AAK1: variants seen among roughly 807,000 people sequenced by gnomAD.
The protein encoded by AAK1 is AP2 associated kinase 1, also known as AP2-associated protein kinase 1.
A neutral mutation model predicts 116.0 loss-of-function variants in AAK1; 37 were observed. The ratio of observed to expected loss-of-function variants is 0.32; its 90% CI spans 0.25 to 0.42. The LOEUF (loss-of-function observed/expected upper bound fraction) is 0.42. AAK1 is among the 10% of genes least tolerant of loss of function. AAK1 has a pLI of 1.00. For synonymous variants in AAK1, 458 were observed against 439.9 expected (o/e 1.04, Z -0.51); for missense variants, 919 against 1,170.6 (o/e 0.79, Z 3.14).
chr2:69,520,752 G>A, intron 11 of AAK1, 82 bp downstream of exon 11: 1 of 1,464,326 alleles, frequency 6.8e-7, no homozygotes, highest in African/African-American at 1.4e-5. Context: ...CAATCCTAAA[G>A]CAAACCAGGC....
chr2:69,505,570 A>G lies in AAK1; in HGVS notation c.2268T>C (p.Thr756=). 2.5e-6 allele frequency: 4 copies of G among 1,613,342 alleles called. No homozygotes were observed. The highest frequency in any genetic ancestry group is 3.4e-6 in the Non-Finnish European group (4 of 1,179,396). ...AFATTSFSAG[T]AEKRKGGQTV... ...GTTCCAGGTATTTGCCATACTAACC[A>G]GTTCCAGCAGAAAATGAGGTCGTAG... The change falls in exon 16 of 22, where the codon ACT becomes ACC. Residue 756 remains threonine (T), a splice_region_variant and synonymous_variant. Coordinates refer to ENST00000409085, the MANE Select transcript of AAK1 (RefSeq NM_014911.5).
intron 16 of AAK1, among the ~76,000 whole-genome samples, chr2:69,504,525 T>C (rs1287830002): frequency 1.3e-5 from 2 of 151,966 alleles, no homozygotes; most frequent in Admixed American, 1.3e-4. Context: ...CCCAGCACTT[T>C]TGGAGGCCAA....
At chr2:69,517,453 T>G (rs1676629438) in intron 12 of AAK1, among the ~76,000 whole-genome samples, 1 of 152,058 alleles carries the variant, frequency 6.6e-6, no homozygotes, top group South Asian at 2.1e-4. Flanking sequence ...ATACACCGAT[T>G]GATCTTTTTT....
At chr2:69,581,883 G>A (rs553760877) in intron 2 of AAK1, among the ~76,000 whole-genome samples, 2 of 152,158 alleles carry the variant, frequency 1.3e-5, no homozygotes, top group African/African-American at 4.8e-5. Context: ...TCAAGAGGCT[G>A]TGGTGGGAGA....
intron 2 of AAK1, 106 bp downstream of exon 2, chr2:69,642,772 G>A: frequency 6.8e-7 from 1 of 1,463,362 alleles, no homozygotes; most frequent in Non-Finnish European, 9.4e-7. Context: ...AGGGGGAAGG[G>A]AGGGTCAACT....
intron 16 of AAK1, among the ~76,000 whole-genome samples, chr2:69,500,995 C>A (rs2104947717): frequency 6.6e-6 from 1 of 152,058 alleles, no homozygotes; most frequent in African/African-American, 2.4e-5. Flanking sequence ...CTGTATGGAG[C>A]CAAACATCGT....
intron 2 of AAK1, among the ~76,000 whole-genome samples, chr2:69,640,006 T>A (rs2105274824): frequency 8.5e-6 from 1 of 117,194 alleles, no homozygotes; most frequent in East Asian, 2.8e-4. Flanking sequence ...TTGCTCCCAC[T>A]CCCCTTTAAC....
At position 69,579,309 on chromosome 2, in the gene AAK1, G is replaced by A. The variant is rs555425329; in HGVS notation, c.164-22331C>T. On this transcript the variant is annotated intron_variant, in intron 2 of 21. Coordinates refer to ENST00000409085, the MANE Select transcript of AAK1 (RefSeq NM_014911.5). ...GAATCACTCTTTCCAGCCAGGCCTGGTGGCTCATGCCTGTAATCCCAGTAC... is the reference window on the plus strand; with the variant it reads ...GAATCACTCTTTCCAGCCAGGCCTGATGGCTCATGCCTGTAATCCCAGTAC... 1.4e-4 allele frequency among the ~76,000 whole-genome samples: 22 copies of A among 152,312 alleles called. 1 individual carries two copies. In the South Asian group the frequency reaches 3.9e-3, roughly 27 times the overall value.
rs1381964870 is a variant in AAK1 at position 69,475,792 on chromosome 2, T to C, written c.*77A>G. 14 of 1,503,248 alleles carry C rather than the reference T, an allele frequency of 9.3e-6. No individual in the cohort carries two copies. The highest frequency in any genetic ancestry group is 1.8e-4 in the Middle Eastern group (1 of 5,712). The allele number at this position is 1,503,248 out of a possible 1,614,324, so 93.1% of individuals were successfully genotyped here. On this transcript the variant is annotated 3_prime_UTR_variant, in exon 22 of 22. Coordinates refer to ENST00000409085, the MANE Select transcript of AAK1 (RefSeq NM_014911.5). ...TTTGCAGATTTTTTTAAAAAAATCA[T>C]TTTTTTCATAACTCCGTAATGAAAA...
intron 2 of AAK1, among the ~76,000 whole-genome samples, chr2:69,602,482 A>T (rs1231318418): frequency 6.6e-6 from 1 of 152,222 alleles, no homozygotes; most frequent in African/African-American, 2.4e-5. Flanking sequence ...ATAACTCAGA[A>T]AAATATGATA....
rs928683640 is a variant in AAK1, at chr2:69,619,265, C to T, written c.163+23613G>A. Among the ~76,000 whole-genome samples, 6 of 152,168 alleles carry T rather than the reference C, an allele frequency of 3.9e-5. No individual in the cohort carries two copies. The South Asian group carries it at 1.2e-3, about 31-fold the overall frequency. On this transcript the variant is annotated intron_variant, in intron 2 of 21. Coordinates refer to ENST00000409085, the MANE Select transcript of AAK1 (RefSeq NM_014911.5). Reference sequence around the variant, plus strand: ...CCTCAGCCCCATACTTACCACTATCCTCGGCAGACAACCTTGCCTCCTTAC... The same window carrying T: ...CCTCAGCCCCATACTTACCACTATCTTCGGCAGACAACCTTGCCTCCTTAC...
Position 69,471,773 on chromosome 2 carries a change from A to G in AAK1, c.*4096T>C, listed in dbSNP as rs1045162785. 1.0e-5 allele frequency: 10 copies of G among 985,348 alleles called. No homozygotes were observed. The African/African-American group carries it at 1.7e-4, about 17-fold the overall frequency. 61.0% of individuals were successfully genotyped at this position (985,348 alleles called of 1,614,324 possible). On this transcript the variant is annotated 3_prime_UTR_variant, in exon 22 of 22. Transcript: ENST00000409085. Reference sequence around the variant, plus strand: ...TCCACATCATAGGCTGTCAGCCCCAAAGATCCCTTCATTCCCACAGCACTG... The same window carrying G: ...TCCACATCATAGGCTGTCAGCCCCAGAGATCCCTTCATTCCCACAGCACTG...
chr2:69,463,471 T>C lies in AAK1; in HGVS notation c.*12398A>G, dbSNP rs1490455570. The stretch of plus-strand genomic sequence containing the variant: ...GATCCTTCCAGCTCAGCCTCCTGAG[T>C]AGCTACAGGCATATGTCACCATACC... On this transcript the variant is annotated 3_prime_UTR_variant, in exon 22 of 22. Transcript: ENST00000409085. The C allele has an allele frequency of 6.6e-6, 1 of 152,030 alleles. No homozygotes were observed. The highest frequency in any genetic ancestry group is 1.5e-5 in the Non-Finnish European group (1 of 68,012). The allele number at this position is 152,030 out of a possible 1,614,324, so 9.4% of individuals were successfully genotyped here.
chr2:69,472,062 T>C lies in AAK1; in HGVS notation c.*3807A>G, dbSNP rs772103501. On this transcript the variant is annotated 3_prime_UTR_variant, in exon 22 of 22. Transcript: ENST00000409085. ...ACAACTTCTTTCAGAGGTGTTTTAA[T>C]ACCCATATCTTTCAATGTTTTAAAC... 463 of 985,130 alleles carry C rather than the reference T, an allele frequency of 4.7e-4. No individual in the cohort carries two copies. Among genetic ancestry groups the C allele is most frequent in the Non-Finnish European group, 5.4e-4 (445 of 829,768 alleles). The allele number at this position is 985,130 out of a possible 1,614,324, so 61.0% of individuals were successfully genotyped here.
At chr2:69,601,507 G>A (rs1412463951) in intron 2 of AAK1, among the ~76,000 whole-genome samples, 1 of 152,200 alleles carries the variant, frequency 6.6e-6, no homozygotes, top group Non-Finnish European at 1.5e-5. Context: ...AGCCCCAAGG[G>A]GCACTTATGA....
intron 3 of AAK1, among the ~76,000 whole-genome samples, chr2:69,556,020 T>C (rs1671372093): frequency 6.6e-6 from 1 of 151,992 alleles, no homozygotes; most frequent in Non-Finnish European, 1.5e-5. Context: ...ATTATATTAT[T>C]TCCTCCATAT....
At chr2:69,500,698 T>TACACACACACAC (rs563907265) in intron 16 of AAK1, among the ~76,000 whole-genome samples, 31 of 65,098 alleles carry the variant, frequency 4.8e-4, no homozygotes, top group Middle Eastern at 9.3e-3. Flanking sequence ...TATATATATA[T>TACACACACACAC]ACACACACAC....
At chr2:69,490,471 C>T (rs530189143) in intron 17 of AAK1, among the ~76,000 whole-genome samples, 1 of 152,206 alleles carries the variant, frequency 6.6e-6, no homozygotes, top group Non-Finnish European at 1.5e-5. Flanking sequence ...TGGAATATTA[C>T]TTAGCCTGAG....
intron 2 of AAK1, among the ~76,000 whole-genome samples, chr2:69,563,536 C>T (rs900467060): frequency 1.1e-4 from 16 of 152,126 alleles, no homozygotes; most frequent in Non-Finnish European, 2.9e-5. Context: ...AAACTGCACT[C>T]CTAACATAAG....
Sources: gnomAD v4.1 joint callset for allele counts (sites outside exome capture counted in the v4.1 genomes callset) on GRCh38, gnomAD v4.1.1 for gene constraint, MANE v1.5 for transcripts, NCBI Gene and HGNC (gene_info 2026-07-23, HGNC 2026-07-21) for gene names.